The following TMEM154 variants were observed in gnomAD, a reference collection of about 807,000 sequenced individuals.
TMEM154 encodes transmembrane protein 154.
In TMEM154, 27 loss-of-function variants were observed where a neutral mutation model predicts 24.5. The ratio of observed to expected loss-of-function variants is 1.10; its 90% CI spans 0.81 to 1.52. The LOEUF (loss-of-function observed/expected upper bound fraction) is 1.52, where lower values mean the gene tolerates loss of function less well. TMEM154 is among the 40% of genes most tolerant of loss of function. The pLI is 0.00. For missense variants in TMEM154, 228 were observed against 213.4 expected, an observed-to-expected ratio of 1.07 and a Z score of -0.43; for synonymous variants, 67 against 76.8, an observed-to-expected ratio of 0.87 and a Z score of 0.67.
At chr4:152,645,079 C>T (rs1357002330) in intron 3 of TMEM154, among the ~76,000 whole-genome samples, 1 of 151,616 alleles carries the variant, frequency 6.6e-6, no homozygotes, top group Non-Finnish European at 1.5e-5. Flanking sequence ...TTGCATCTTT[C>T]ATAATATTGG....
Position 152,622,320 on chromosome 4 carries a change from A to T in TMEM154, c.*6226T>A, listed in dbSNP as rs1751855974. On this transcript the variant is annotated 3_prime_UTR_variant, in exon 7 of 7. Transcript: ENST00000304385. ...GAATTGGTATTGTTTCGTTTATTTA[A>T]AGAATTATATGGATCAAAAGAGGGC... 2 of 152,186 alleles carry T rather than the reference A, an allele frequency of 1.3e-5. No individual in the cohort carries two copies. The highest frequency in any genetic ancestry group is 4.1e-4 in the South Asian group (2 of 4,834). 9.4% of individuals were successfully genotyped at this position (152,186 alleles called of 1,614,324 possible).
intron 1 of TMEM154, among the ~76,000 whole-genome samples, chr4:152,656,861 C>T (rs561496073): frequency 9.9e-5 from 15 of 151,492 alleles, no homozygotes; most frequent in South Asian, 2.1e-4. Context: ...GTGGAGGTTG[C>T]GGTGAGCCAA....
rs1437907252 is a variant in TMEM154 at position 152,622,100 on chromosome 4, G to A, written c.*6446C>T. The A allele has an allele frequency of 2.0e-5, 3 of 151,996 alleles. No individual in the cohort carries two copies. Among genetic ancestry groups the A allele is most frequent in the Non-Finnish European group, 4.4e-5 (3 of 68,014 alleles). 9.4% of individuals were successfully genotyped at this position (151,996 alleles called of 1,614,324 possible). On this transcript the variant is annotated 3_prime_UTR_variant, in exon 7 of 7. Transcript: ENST00000304385. ...CCCAAAGTGCTGGGATTACAGGCAT[G>A]AGCCACCATGCCTGGCCTACTAGAA...
intron 1 of TMEM154, chr4:152,669,543 T>C (rs913630698): frequency 6.6e-6 from 1 of 152,242 alleles, no homozygotes; most frequent in African/African-American, 2.4e-5. Context: ...AAGCATTGCT[T>C]ATCTGAAATT....
chr4:152,636,041 C>A (rs574413546), intron 6 of TMEM154, among the ~76,000 whole-genome samples: 1 of 152,252 alleles, frequency 6.6e-6, no homozygotes, highest in East Asian at 1.9e-4. Flanking sequence ...CGTCTAACTA[C>A]AAATGCCTCC....
At chr4:152,629,313 C>T (rs1751988350) in intron 6 of TMEM154, among the ~76,000 whole-genome samples, 1 of 152,196 alleles carries the variant, frequency 6.6e-6, no homozygotes, top group Admixed American at 6.5e-5. Flanking sequence ...TCTTCAATAG[C>T]CCGTTTTGTT....
At chr4:152,644,379 A>G (rs781487600) in intron 4 of TMEM154, 36 bp downstream of exon 4, 2 of 1,612,298 alleles carry the variant, frequency 1.2e-6, no homozygotes, top group African/African-American at 1.3e-5. Flanking sequence ...TGCTGTTCAC[A>G]CCCCAGGTGG....
At chr4:152,662,853 G>A (rs1728640564) in intron 1 of TMEM154, among the ~76,000 whole-genome samples, 1 of 152,154 alleles carries the variant, frequency 6.6e-6, no homozygotes, top group Non-Finnish European at 1.5e-5. Flanking sequence ...AAGTCTGGAG[G>A]TGAACCCTCC....
chr4:152,619,988 C>T lies in TMEM154; in HGVS notation c.*8558G>A, dbSNP rs994827333. 6.6e-6 allele frequency: 1 copy of T among 152,254 alleles called. No homozygotes were observed. The highest frequency in any genetic ancestry group is 2.4e-5 in the African/African-American group (1 of 41,448). The allele number at this position is 152,254 out of a possible 1,614,324, so 9.4% of individuals were successfully genotyped here. On this transcript the variant is annotated 3_prime_UTR_variant, in exon 7 of 7. Transcript: ENST00000304385. ...GGTTTTCTCTCTTGGGAAGTGTGAACACTGGATGCCTCCAGGGGTGGGCCA... is the reference window on the plus strand; with the variant it reads ...GGTTTTCTCTCTTGGGAAGTGTGAATACTGGATGCCTCCAGGGGTGGGCCA...
At position 152,637,388 on chromosome 4, in the gene TMEM154, A is replaced by G. The variant is rs187986344; in HGVS notation, c.536+3540T>C. On this transcript the variant is annotated intron_variant, in intron 6 of 6. Coordinates refer to ENST00000304385, the MANE Select transcript of TMEM154 (RefSeq NM_152680.3). ...TGGTGAAACCCCATTTCTATTAAAAATACAAAATTAGCCAGGCGTGGTGGT... is the reference window on the plus strand; with the variant it reads ...TGGTGAAACCCCATTTCTATTAAAAGTACAAAATTAGCCAGGCGTGGTGGT... Among the ~76,000 whole-genome samples, 715 of 152,276 alleles carry G rather than the reference A, an allele frequency of 4.7e-3. 8 individuals carry two copies. The highest frequency in any genetic ancestry group is 0.017 in the African/African-American group (690 of 41,552).
chr4:152,636,537 C>T (rs1047843241), intron 6 of TMEM154, among the ~76,000 whole-genome samples: 9 of 152,176 alleles, frequency 5.9e-5, no homozygotes, highest in African/African-American at 1.9e-4. Context: ...TGCTGTCTTT[C>T]GGATTCCATA....
chr4:152,663,975 T>C (rs144446094), intron 1 of TMEM154, among the ~76,000 whole-genome samples: 27 of 152,314 alleles, frequency 1.8e-4, no homozygotes, highest in African/African-American at 5.8e-4. Context: ...GTGTCCCCAT[T>C]ATCCCTGCTC....
At chr4:152,637,653 T>G (rs373828103) in intron 6 of TMEM154, among the ~76,000 whole-genome samples, 3 of 152,216 alleles carry the variant, frequency 2.0e-5, no homozygotes, top group African/African-American at 7.2e-5. Flanking sequence ...TTTTTCAAGA[T>G]GAAGAAATTA....
intron 3 of TMEM154, among the ~76,000 whole-genome samples, chr4:152,649,319 G>C (rs1728328833): frequency 6.6e-6 from 1 of 152,194 alleles, no homozygotes; most frequent in African/African-American, 2.4e-5. Context: ...GAGTTTTACT[G>C]GCACAAGCCA....
chr4:152,639,745 T>G (rs1752219827), intron 6 of TMEM154: 1 of 152,696 alleles, frequency 6.5e-6, no homozygotes, highest in Non-Finnish European at 1.5e-5. Flanking sequence ...CTCAAGTAAC[T>G]AGGACTACAG....
intron 6 of TMEM154, among the ~76,000 whole-genome samples, chr4:152,631,470 G>A (rs1421675531): frequency 6.6e-6 from 1 of 152,180 alleles, no homozygotes; most frequent in Non-Finnish European, 1.5e-5. Flanking sequence ...CTCTTGCCAT[G>A]TCACCCAGGC....
At chr4:152,656,215 C>T (rs984388002) in intron 1 of TMEM154, among the ~76,000 whole-genome samples, 1 of 152,164 alleles carries the variant, frequency 6.6e-6, no homozygotes, top group African/African-American at 2.4e-5. Context: ...CTGCCAACAC[C>T]CACGTCAATC....
chr4:152,677,194 C>T (rs975987969), intron 1 of TMEM154, among the ~76,000 whole-genome samples: 2 of 152,204 alleles, frequency 1.3e-5, no homozygotes, highest in Non-Finnish European at 2.9e-5. Context: ...CTCCTGGTGA[C>T]TTCCAAGTGA....
chr4:152,649,961 A>T (rs1425977880), intron 3 of TMEM154, among the ~76,000 whole-genome samples: 1 of 152,246 alleles, frequency 6.6e-6, no homozygotes, highest in Non-Finnish European at 1.5e-5. Context: ...CTACAGAGAC[A>T]ATGTATATAC....
Sources: gnomAD v4.1 joint callset for allele counts (sites outside exome capture counted in the v4.1 genomes callset) on GRCh38, gnomAD v4.1.1 for gene constraint, MANE v1.5 for transcripts, NCBI Gene and HGNC (gene_info 2026-07-23, HGNC 2026-07-21) for gene names.